HYAL4: variants seen among roughly 807,000 people sequenced by gnomAD.
The protein encoded by HYAL4 is hyaluronidase 4, also known as hyaluronidase-4.
A neutral mutation model predicts 35.2 loss-of-function variants in HYAL4; 37 were observed. The observed-to-expected ratio is 1.05, with a 90% CI of 0.81 to 1.38. The LOEUF (loss-of-function observed/expected upper bound fraction) is 1.38, where lower values mean the gene tolerates loss of function less well. Among genes scored for constraint, HYAL4 ranks in the 40% most tolerant of loss-of-function variants. The pLI is 0.00. For missense variants in HYAL4, 572 were observed against 572.4 expected (o/e 1.00, Z 0.01); for synonymous variants, 198 against 203.2 (o/e 0.97, Z 0.22).
chr7:123,847,441 C>T (rs1416956612), intron 1 of HYAL4, among the ~76,000 whole-genome samples: 2 of 152,046 alleles, frequency 1.3e-5, no homozygotes, highest in Non-Finnish European at 2.9e-5. Flanking sequence ...TCAACGATTC[C>T]ATTATCATTA....
At chr7:123,777,143 TA>T in the HYAL4 span, among the ~76,000 whole-genome samples, 1 of 152,158 alleles carries the variant, frequency 6.6e-6, no homozygotes, top group Non-Finnish European at 1.5e-5. Flanking sequence ...GTGTAATTTT[TA>T]TGAAAGAAAT....
At chr7:123,798,659 C>T in the HYAL4 span, among the ~76,000 whole-genome samples, 1 of 152,138 alleles carries the variant, frequency 6.6e-6, no homozygotes, top group South Asian at 2.1e-4. Flanking sequence ...TCGTGGCATT[C>T]TTGCAATTAA....
chr7:123,770,199 A>G, the HYAL4 span, among the ~76,000 whole-genome samples: 6 of 152,006 alleles, frequency 3.9e-5, no homozygotes, highest in Admixed American at 3.9e-4. Flanking sequence ...TAAAAAAAAA[A>G]TCCCCTTTGG....
the HYAL4 span, among the ~76,000 whole-genome samples, chr7:123,819,899 T>C: frequency 1.3e-5 from 2 of 150,804 alleles, no homozygotes; most frequent in Admixed American, 1.3e-4. Flanking sequence ...TTTTTTCTTT[T>C]TTTTTTTTTT....
chr7:123,807,158 A>G, the HYAL4 span, among the ~76,000 whole-genome samples: 2 of 152,344 alleles, frequency 1.3e-5, no homozygotes, highest in East Asian at 1.9e-4. Context: ...TTCGAAAAGA[A>G]TCTAATCTGA....
In HYAL4 at chr7:123,863,434, C is replaced by T. The variant is rs12673460; in HGVS notation, c.-51-4789C>T. Among the ~76,000 whole-genome samples the T allele has an allele frequency of 7.1e-4, 108 of 152,220 alleles. 2 individuals carry two copies. The East Asian group carries it at 0.019, about 26-fold the overall frequency. ...TTATTGTGGGAAGGGAGGGTGCACA[C>T]CATGGGAAGCCATGGGGTGTCTCAG... On this transcript the variant is annotated intron_variant, in intron 2 of 4. Transcript: ENST00000223026.
chr7:123,855,255 C>T (rs146752331), intron 2 of HYAL4, among the ~76,000 whole-genome samples: 1 of 152,196 alleles, frequency 6.6e-6, no homozygotes, highest in East Asian at 1.9e-4. Context: ...ATGATGCTAG[C>T]TGGTTATTTT....
intron 4 of HYAL4, 147 bp from the exon 5 acceptor site, chr7:123,876,607 A>G: frequency 1.2e-6 from 1 of 837,446 alleles, no homozygotes; most frequent in East Asian, 2.6e-5. Flanking sequence ...CAACAACTGA[A>G]CCAAGCCATT....
the HYAL4 span, among the ~76,000 whole-genome samples, chr7:123,819,895 C>CTT: frequency 2.6e-4 from 36 of 138,892 alleles, 1 homozygote; most frequent in Middle Eastern, 3.7e-3. Context: ...CTTTTTTTTT[C>CTT]TTTTTTTTTT....
intron 4 of HYAL4, chr7:123,876,156 A>C (rs541801686): frequency 2.2e-4 from 94 of 421,618 alleles, no homozygotes; most frequent in Middle Eastern, 1.0e-3. Flanking sequence ...TTAGCCATAT[A>C]GGTTTTCATG....
At chr7:123,808,383 C>G in the HYAL4 span, among the ~76,000 whole-genome samples, 1 of 151,838 alleles carries the variant, frequency 6.6e-6, no homozygotes, top group African/African-American at 2.4e-5. Flanking sequence ...CACACACACA[C>G]ACACGCATGC....
the HYAL4 span, among the ~76,000 whole-genome samples, chr7:123,777,493 T>C: frequency 1.5e-4 from 23 of 152,288 alleles, no homozygotes; most frequent in East Asian, 1.2e-3. Context: ...TTGACTGATA[T>C]TTAACATTTA....
At chr7:123,857,339 G>T (rs1806463883) in intron 2 of HYAL4, among the ~76,000 whole-genome samples, 1 of 152,306 alleles carries the variant, frequency 6.6e-6, no homozygotes, top group African/African-American at 2.4e-5. Flanking sequence ...CTCCTGGTCT[G>T]CAGGTTGCGA....
the HYAL4 span, among the ~76,000 whole-genome samples, chr7:123,787,104 T>C: frequency 9.2e-6 from 1 of 108,888 alleles, no homozygotes; most frequent in South Asian, 2.8e-4. Context: ...CAAAACTCTG[T>C]CTCAAAAAAA....
rs1806753388 is a variant in HYAL4 at position 123,868,366 on chromosome 7, T to C, written c.93T>C (p.Ser31=). 8 of 1,610,366 alleles carry C rather than the reference T, an allele frequency of 5.0e-6. No individual in the cohort carries two copies. The highest frequency in any genetic ancestry group is 5.9e-6 in the Non-Finnish European group (7 of 1,178,708). The change falls in exon 3 of 5, where the codon TCT becomes TCC. Residue 31 remains serine (S), a synonymous_variant. Coordinates refer to ENST00000223026, the MANE Select transcript of HYAL4 (RefSeq NM_012269.3). ...TCCTTATATTTTTTATTCTAAAGTC[T>C]ATCTCTTGTCTAAAACCTGCTCGAC... ...SWLLIFFILK[S]ISCLKPARLP...
chr7:123,777,611 T>C, the HYAL4 span, among the ~76,000 whole-genome samples: 3 of 152,204 alleles, frequency 2.0e-5, no homozygotes, highest in African/African-American at 7.2e-5. Context: ...GTTTCTATTT[T>C]TCATTATTCC....
At chr7:123,771,115 G>A in the HYAL4 span, among the ~76,000 whole-genome samples, 2 of 152,178 alleles carry the variant, frequency 1.3e-5, no homozygotes, top group African/African-American at 4.8e-5. Flanking sequence ...AATCTACCCT[G>A]GGAAGAGCAG....
chr7:123,858,530 CAG>C (rs1806508578), intron 2 of HYAL4, among the ~76,000 whole-genome samples: 1 of 151,874 alleles, frequency 6.6e-6, no homozygotes. Context: ...AAATGTCAAA[CAG>C]AGAAAGGCAA....
the HYAL4 span, among the ~76,000 whole-genome samples, chr7:123,804,499 A>G: frequency 6.6e-6 from 1 of 152,164 alleles, no homozygotes; most frequent in Middle Eastern, 3.2e-3. Context: ...CTTTTTCTGT[A>G]TTTTTTGCAA....
Sources: allele counts gnomAD v4.1 joint callset (sites outside exome capture counted in the v4.1 genomes callset), GRCh38; gene constraint gnomAD v4.1.1; transcripts MANE v1.5; gene names NCBI Gene and HGNC (gene_info 2026-07-23, HGNC 2026-07-21).